The following UBAP1 variants were observed in gnomAD, a reference collection of about 807,000 sequenced individuals.
UBAP1 encodes ubiquitin-associated protein 1.
Under a neutral mutation model 39.0 loss-of-function variants are expected in UBAP1, and 5 were observed. That is an observed-to-expected ratio of 0.13 (90% confidence interval 0.07 to 0.27). The LOEUF is 0.27. Among genes scored for constraint, UBAP1 ranks in the 10% least tolerant of loss-of-function variants. The probability of loss-of-function intolerance (pLI) is 1.00; values close to 1 mark genes in which losing one functional copy is unlikely to be tolerated. For missense variants in UBAP1, 490 were observed against 608.1 expected (o/e 0.81, Z 2.04); for synonymous variants, 211 against 225.1 (o/e 0.94, Z 0.56).
intron 2 of UBAP1, among the ~76,000 whole-genome samples, chr9:34,228,860 T>C (rs1833255578): frequency 2.0e-5 from 3 of 151,704 alleles, no homozygotes; most frequent in African/African-American, 7.3e-5. Flanking sequence ...GGATTACAGC[T>C]GTGAGCCACT....
At chr9:34,200,195 C>T (rs985845519) in intron 1 of UBAP1, among the ~76,000 whole-genome samples, 1 of 152,052 alleles carries the variant, frequency 6.6e-6, no homozygotes, top group African/African-American at 2.4e-5. Flanking sequence ...AAGTACCTGT[C>T]TCAGTTATAT....
intron 1 of UBAP1, among the ~76,000 whole-genome samples, chr9:34,190,193 A>G (rs190586169): frequency 6.6e-6 from 1 of 152,236 alleles, no homozygotes; most frequent in Admixed American, 6.5e-5. Flanking sequence ...AAAAAATTTA[A>G]TGTTAATAAA....
chr9:34,231,125 T>TTGTG (rs1175055797), intron 2 of UBAP1, among the ~76,000 whole-genome samples: 8 of 96,694 alleles, frequency 8.3e-5, no homozygotes, highest in Admixed American at 2.0e-4. Flanking sequence ...TTTAAAAAAA[T>TTGTG]TATGTGTGTG....
chr9:34,233,313 C>T lies in UBAP1; in HGVS notation c.35-903C>T, dbSNP rs1219509025. Among the ~76,000 whole-genome samples, 5 of 151,654 alleles carry T rather than the reference C, an allele frequency of 3.3e-5. No homozygotes were observed. In the East Asian group the frequency reaches 5.8e-4, roughly 18 times the overall value. On this transcript the variant is annotated intron_variant, in intron 2 of 6. Coordinates refer to ENST00000297661, the MANE Select transcript of UBAP1 (RefSeq NM_016525.5). ...CTCGGCTGACTGCAACCTCCGTCTC[C>T]TGGGTTCAAGCGATTCTCCTGCCTT... is the stretch of plus-strand genomic sequence containing the variant.
chr9:34,184,926 CT>C (rs35634769), intron 1 of UBAP1, among the ~76,000 whole-genome samples: 1,892 of 104,002 alleles, frequency 0.018, 6 homozygotes, highest in Non-Finnish European at 0.025. Context: ...CCAGCCAATC[CT>C]TTTTTTTTTT....
At chr9:34,192,334 G>A (rs2131512124) in intron 1 of UBAP1, among the ~76,000 whole-genome samples, 1 of 151,884 alleles carries the variant, frequency 6.6e-6, no homozygotes, top group African/African-American at 2.4e-5. Flanking sequence ...GACCAACATG[G>A]TGAAACCCCG....
intron 1 of UBAP1, among the ~76,000 whole-genome samples, chr9:34,202,409 G>A (rs572067767): frequency 6.6e-6 from 1 of 152,200 alleles, no homozygotes; most frequent in South Asian, 2.1e-4. Context: ...TGGGATTGTA[G>A]GAGTGAGCCA....
intron 1 of UBAP1, among the ~76,000 whole-genome samples, chr9:34,193,044 C>T (rs576494236): frequency 5.3e-5 from 8 of 152,242 alleles, no homozygotes; most frequent in South Asian, 4.1e-4. Context: ...CAGTGGCCCA[C>T]GTCTGTAATT....
intron 1 of UBAP1, among the ~76,000 whole-genome samples, chr9:34,182,681 T>TTCTTTCTTTCTCTCTCTCTC (rs1491429494): frequency 6.1e-4 from 70 of 115,564 alleles, no homozygotes; most frequent in East Asian, 5.9e-3. Context: ...CTTTCTTTCT[T>TTCTTTCTTTCTCTCTCTCTC]TCTCTCTCTC....
intron 1 of UBAP1, among the ~76,000 whole-genome samples, chr9:34,216,523 C>G (rs1832326250): frequency 6.6e-6 from 1 of 151,976 alleles, no homozygotes; most frequent in African/African-American, 2.4e-5. Context: ...TGGGGTCTCA[C>G]TCTGTTGCCC....
chr9:34,198,905 G>A (rs1290818246), intron 1 of UBAP1, among the ~76,000 whole-genome samples: 2 of 152,132 alleles, frequency 1.3e-5, no homozygotes, highest in Non-Finnish European at 2.9e-5. Context: ...ACTCTTACCC[G>A]TCTAATGGGG....
At chr9:34,235,711 A>G (rs1215278089) in intron 3 of UBAP1, among the ~76,000 whole-genome samples, 2 of 152,154 alleles carry the variant, frequency 1.3e-5, no homozygotes, top group Non-Finnish European at 2.9e-5. Flanking sequence ...ACTACTGTAC[A>G]GTAATGTCCT....
At chr9:34,211,068 A>G (rs559222044) in intron 1 of UBAP1, among the ~76,000 whole-genome samples, 6 of 152,328 alleles carry the variant, frequency 3.9e-5, no homozygotes, top group South Asian at 4.1e-4. Flanking sequence ...AATTTTGTCA[A>G]TATAGACATT....
chr9:34,198,488 G>A (rs1182168267), intron 1 of UBAP1, among the ~76,000 whole-genome samples: 1 of 152,180 alleles, frequency 6.6e-6, no homozygotes. Flanking sequence ...GCTCAGCTGA[G>A]GTCAGACTGG....
chr9:34,189,092 C>G (rs978225394), intron 1 of UBAP1, among the ~76,000 whole-genome samples: 1 of 151,952 alleles, frequency 6.6e-6, no homozygotes, highest in Admixed American at 6.6e-5. Context: ...TAAAATCTTT[C>G]TATAGTTTGG....
Position 34,195,927 on chromosome 9 carries a change from G to GTTTTTTTT in UBAP1, c.-8+16717_-8+16724dup, listed in dbSNP as rs57040252. On this transcript the variant is annotated intron_variant, in intron 1 of 6. Transcript: ENST00000297661. ...TTTGGATTTCTATACAAATTTTTTG[G>GTTTTTTTT]TTTTTTTTTTTTTTTTTTTTTTTTT... Among the ~76,000 whole-genome samples, 81 of 36,156 alleles carry GTTTTTTTT rather than the reference G, an allele frequency of 2.2e-3. 10 individuals are homozygous for GTTTTTTTT. Among genetic ancestry groups the GTTTTTTTT allele is most frequent in the East Asian group, 4.1e-3 (4 of 982 alleles). 23.7% of individuals were successfully genotyped at this position (36,156 alleles called of 152,430 possible).
At chr9:34,193,306 G>C (rs1192944773) in intron 1 of UBAP1, among the ~76,000 whole-genome samples, 1 of 151,970 alleles carries the variant, frequency 6.6e-6, no homozygotes, top group Non-Finnish European at 1.5e-5. Flanking sequence ...GTGAGACTCT[G>C]TCTCAAAAAA....
chr9:34,234,067 C>A, intron 2 of UBAP1, 149 bp from the exon 3 acceptor site: 1 of 737,242 alleles, frequency 1.4e-6, no homozygotes, highest in Non-Finnish European at 2.1e-6. Context: ...GATTTAGGGT[C>A]AAGGAAAAGG....
chr9:34,185,336 C>T (rs1308533571), intron 1 of UBAP1, among the ~76,000 whole-genome samples: 1 of 152,092 alleles, frequency 6.6e-6, no homozygotes, highest in Non-Finnish European at 1.5e-5. Context: ...TTGCTTGAGC[C>T]CAGAAGTTCA....
Sources: allele counts gnomAD v4.1 joint callset (sites outside exome capture counted in the v4.1 genomes callset), GRCh38; gene constraint gnomAD v4.1.1; transcripts MANE v1.5; gene names NCBI Gene and HGNC (gene_info 2026-07-23, HGNC 2026-07-21).